The following NUDCD3 variants were observed in gnomAD, a reference collection of about 807,000 sequenced individuals.
The protein encoded by NUDCD3 is nudC domain-containing protein 3.
Under a neutral mutation model 39.7 loss-of-function variants are expected in NUDCD3, and 13 were observed. That is an observed-to-expected ratio of 0.33 (90% CI 0.21 to 0.52). NUDCD3 has a LOEUF of 0.52. NUDCD3 is among the 20% of genes least tolerant of loss of function. The pLI is 0.96. For synonymous variants in NUDCD3, 175 were observed against 172.4 expected, an observed-to-expected ratio of 1.02 and a Z score of -0.12; for missense variants, 453 against 458.1, an observed-to-expected ratio of 0.99 and a Z score of 0.10.
chr7:44,399,134 C>T (rs905334611), intron 4 of NUDCD3, among the ~76,000 whole-genome samples: 17 of 152,204 alleles, frequency 1.1e-4, no homozygotes, highest in African/African-American at 3.6e-4. Context: ...CCCCATGAAA[C>T]GAGGGTGCCC....
intron 3 of NUDCD3, among the ~76,000 whole-genome samples, chr7:44,417,346 C>T (rs1306292492): frequency 1.3e-5 from 2 of 152,246 alleles, no homozygotes; most frequent in African/African-American, 4.8e-5. Flanking sequence ...ATGGCATCAA[C>T]ATCCCAGATA....
At position 44,485,125 on chromosome 7, in the gene NUDCD3, T is replaced by C. The variant is rs189139007; in HGVS notation, c.352A>G (p.Ile118Val). The C allele has an allele frequency of 1.9e-6, 3 of 1,614,142 alleles. No homozygotes were observed. Among genetic ancestry groups the C allele is most frequent in the East Asian group, 4.5e-5 (2 of 44,882 alleles). Residue 118 changes from isoleucine to valine, a missense_variant, in exon 2 of 6, where the codon ATT (isoleucine) becomes GTT (valine). Transcript: ENST00000355451. ...PVPVPVQEIEIDSTTELDGHQ... is the reference protein window; with the variant it reads ...PVPVPVQEIEVDSTTELDGHQ... ...CCATCCAATTCTGTGGTGGAGTCAA[T>C]CTCTATTTCCTGGACTGGAACTGGG...
At chr7:44,489,812 A>C (rs185465070) in intron 1 of NUDCD3, 5 of 152,368 alleles carry the variant, frequency 3.3e-5, no homozygotes, top group Non-Finnish European at 7.3e-5. Context: ...ATTCAGCAAA[A>C]GGTTGCTTAC....
chr7:44,409,557 A>G (rs1798884156), intron 3 of NUDCD3, among the ~76,000 whole-genome samples: 1 of 151,130 alleles, frequency 6.6e-6, no homozygotes, highest in Non-Finnish European at 1.5e-5. Flanking sequence ...TCCATTTCTC[A>G]ATAACAGCAA....
intron 4 of NUDCD3, 33 bp downstream of exon 4, chr7:44,404,407 C>T (rs1475398758): frequency 6.2e-7 from 1 of 1,607,150 alleles, no homozygotes; most frequent in African/African-American, 1.3e-5. Context: ...TGAAGTCCAC[C>T]TGGGAGCCCT....
chr7:44,484,872 G>T (rs891478228), intron 2 of NUDCD3, 96 bp downstream of exon 2: 3 of 909,608 alleles, frequency 3.3e-6, no homozygotes, highest in Admixed American at 5.3e-5. Flanking sequence ...CTGAGATCAA[G>T]AATTAATGTG....
chr7:44,387,634 G>C (rs1178739518), intron 5 of NUDCD3, among the ~76,000 whole-genome samples: 1 of 152,204 alleles, frequency 6.6e-6, no homozygotes, highest in African/African-American at 2.4e-5. Context: ...AATGACACCT[G>C]TGGAGCCCTG....
At chr7:44,456,046 A>AAAAAC (rs1585091118) in intron 2 of NUDCD3, among the ~76,000 whole-genome samples, 1 of 126,822 alleles carries the variant, frequency 7.9e-6, no homozygotes, top group Non-Finnish European at 1.8e-5. Flanking sequence ...AAAAAAAAAA[A>AAAAAC]AAAACAAAAA....
chr7:44,438,800 G>A (rs1256767460), intron 2 of NUDCD3, among the ~76,000 whole-genome samples: 1 of 152,292 alleles, frequency 6.6e-6, no homozygotes, highest in East Asian at 1.9e-4. Flanking sequence ...TACACTGCCA[G>A]AAAAAGAGCA....
At chr7:44,406,394 A>G (rs1239309453) in intron 3 of NUDCD3, among the ~76,000 whole-genome samples, 3 of 152,188 alleles carry the variant, frequency 2.0e-5, no homozygotes, top group Non-Finnish European at 4.4e-5. Context: ...ACGTGAGCAA[A>G]TGGAACAACA....
At chr7:44,462,451 G>A (rs1326146384) in intron 2 of NUDCD3, among the ~76,000 whole-genome samples, 1 of 152,186 alleles carries the variant, frequency 6.6e-6, no homozygotes, top group Non-Finnish European at 1.5e-5. Flanking sequence ...ATGACCACAT[G>A]TTCAGAAAAT....
chr7:44,409,889 GGGAAA>G (rs2116880297), intron 3 of NUDCD3, among the ~76,000 whole-genome samples: 1 of 152,052 alleles, frequency 6.6e-6, no homozygotes, highest in Admixed American at 6.5e-5. Flanking sequence ...AAGTAAAAGG[GGGAAA>G]AGATAAGCGT....
intron 2 of NUDCD3, among the ~76,000 whole-genome samples, chr7:44,469,803 AC>A (rs1173008697): frequency 1.3e-5 from 2 of 152,044 alleles, no homozygotes; most frequent in Admixed American, 1.3e-4. Context: ...ATCAGACAAA[AC>A]TATAATGAGG....
Position 44,386,138 on chromosome 7 carries a change from G to A in NUDCD3, c.976-17C>T, listed in dbSNP as rs1411468757. 3.7e-6 allele frequency: 6 copies of A among 1,613,722 alleles called. No individual in the cohort carries two copies. In the Admixed American group the frequency reaches 6.7e-5, roughly 18 times the overall value. On this transcript the variant is annotated splice_polypyrimidine_tract_variant and intron_variant, in intron 5 of 5. Transcript: ENST00000355451. ...ATGGACTTTCTACAAACAGAAAATA[G>A]AGAGATTAAAGGGGATCACAACGCA...
chr7:44,483,823 G>T (rs950058518), intron 2 of NUDCD3, among the ~76,000 whole-genome samples: 7 of 152,092 alleles, frequency 4.6e-5, no homozygotes, highest in African/African-American at 1.4e-4. Context: ...ATTTAGCCAG[G>T]TATAGTGGCA....
At chr7:44,429,881 T>A (rs573716894) in intron 2 of NUDCD3, among the ~76,000 whole-genome samples, 10 of 152,138 alleles carry the variant, frequency 6.6e-5, no homozygotes, top group Non-Finnish European at 1.2e-4. Flanking sequence ...AAGATTTAGA[T>A]GCAACCAATA....
At chr7:44,465,111 C>T (rs6950488) in intron 2 of NUDCD3, among the ~76,000 whole-genome samples, 56,835 of 152,112 alleles carry the variant, frequency 0.37, 11,084 homozygotes, top group East Asian at 0.52. Context: ...AGACCCCACA[C>T]GAGCATGGGA....
At chr7:44,485,865 A>C (rs548215603) in intron 1 of NUDCD3, among the ~76,000 whole-genome samples, 2 of 152,350 alleles carry the variant, frequency 1.3e-5, no homozygotes, top group South Asian at 4.1e-4. Flanking sequence ...GTGTGTAAAC[A>C]AGTTCTTAAC....
intron 2 of NUDCD3, among the ~76,000 whole-genome samples, chr7:44,441,600 C>T (rs1799586034): frequency 6.6e-6 from 1 of 152,154 alleles, no homozygotes. Context: ...GTGCCACCCT[C>T]GCAGCTAGGA....
Sources: gnomAD v4.1 joint callset for allele counts (sites outside exome capture counted in the v4.1 genomes callset) on GRCh38, gnomAD v4.1.1 for gene constraint, MANE v1.5 for transcripts, NCBI Gene and HGNC (gene_info 2026-07-23, HGNC 2026-07-21) for gene names.